The following CHM variants were observed in gnomAD, a reference collection of about 807,000 sequenced individuals.
CHM encodes the protein rab proteins geranylgeranyltransferase component A 1.
In CHM, 10 loss-of-function variants were observed where a neutral mutation model predicts 49.0. The ratio of observed to expected loss-of-function variants is 0.20; its 90% confidence interval spans 0.13 to 0.35. The LOEUF is 0.35. Ranked by LOEUF, CHM falls within the 10% of genes least tolerant of loss-of-function variation. CHM has a pLI of 1.00. For synonymous variants in CHM, 184 were observed against 167.5 expected (o/e 1.10, Z -0.76); for missense variants, 455 against 478.4 (o/e 0.95, Z 0.46).
At chrX:86,036,308 G>T (rs950639311) in intron 1 of CHM, among the ~76,000 whole-genome samples, 3 of 111,732 alleles carry the variant, frequency 2.7e-5, no homozygotes, top group South Asian at 3.8e-4. Flanking sequence ...AAGCTGGTGG[G>T]GGGGGAAGTG....
rs1321226258 is a variant in CHM at position 85,886,359 on chromosome X, T to C, written c.1511-7296A>G. Reference sequence around the variant, plus strand: ...TATGTGAATTTTAAAACATGTTCTATTGTGCTCAGGATATGCTTTATTCAA... The same window carrying C: ...TATGTGAATTTTAAAACATGTTCTACTGTGCTCAGGATATGCTTTATTCAA... On this transcript the variant is annotated intron_variant, in intron 12 of 14. Transcript: ENST00000357749. Among the ~76,000 whole-genome samples, 20 of 111,937 alleles carry C rather than the reference T, an allele frequency of 1.8e-4. 1 individual carries two copies. Among genetic ancestry groups the C allele is most frequent in the Non-Finnish European group, 9.4e-5 (5 of 53,050 alleles).
intron 1 of CHM, among the ~76,000 whole-genome samples, chrX:86,035,690 G>T (rs1326088770): frequency 9.1e-6 from 1 of 110,012 alleles, no homozygotes; most frequent in Admixed American, 9.7e-5. Flanking sequence ...AATATATACA[G>T]ATAGAATGAT....
At chrX:85,918,427 A>G (rs1927581783) in intron 8 of CHM, among the ~76,000 whole-genome samples, 3 of 112,049 alleles carry the variant, frequency 2.7e-5, no homozygotes, top group African/African-American at 3.2e-5. Flanking sequence ...GAAAAGAAAG[A>G]TACTTGCCAG....
At chrX:85,981,883 A>G in intron 2 of CHM, 74 bp from the exon 3 acceptor site, 1 of 770,606 alleles carries the variant, frequency 1.3e-6, no homozygotes, top group Non-Finnish European at 1.9e-6. Flanking sequence ...TCATCAACAA[A>G]CCATCTTTAA....
At chrX:85,952,874 A>G (rs568827278) in intron 8 of CHM, among the ~76,000 whole-genome samples, 5 of 112,794 alleles carry the variant, frequency 4.4e-5, no homozygotes, top group Admixed American at 3.7e-4. Context: ...AGCATTCAAC[A>G]CAAGCTTACT....
chrX:85,934,148 T>C (rs1928616513), intron 8 of CHM, among the ~76,000 whole-genome samples: 1 of 109,203 alleles, frequency 9.2e-6, no homozygotes, highest in African/African-American at 3.3e-5. Context: ...ACCAGTTTAA[T>C]TTTTTGTATT....
At chrX:85,945,246 A>G (rs959632307) in intron 8 of CHM, among the ~76,000 whole-genome samples, 1 of 110,002 alleles carries the variant, frequency 9.1e-6, no homozygotes, top group African/African-American at 3.3e-5. Context: ...TATAGTTTAC[A>G]TATTTGTCCC....
chrX:86,043,656 G>A (rs7880681), intron 1 of CHM, among the ~76,000 whole-genome samples: 194 of 110,541 alleles, frequency 1.8e-3, no homozygotes, highest in African/African-American at 6.1e-3. Flanking sequence ...AAACTCCTGA[G>A]CTCAAGCAAT....
intron 8 of CHM, among the ~76,000 whole-genome samples, chrX:85,934,231 T>C (rs951691394): frequency 1.9e-5 from 2 of 107,138 alleles, no homozygotes; most frequent in South Asian, 4.3e-4. Flanking sequence ...CTGCCCACCT[T>C]GGCCTCCCAA....
At chrX:85,975,745 A>T (rs1470298418) in intron 4 of CHM, among the ~76,000 whole-genome samples, 1 of 112,341 alleles carries the variant, frequency 8.9e-6, no homozygotes, top group Non-Finnish European at 1.9e-5. Flanking sequence ...CTGTAACTTG[A>T]CTGTGACAGT....
chrX:85,962,916 T>C (rs918817134), intron 5 of CHM, among the ~76,000 whole-genome samples: 2 of 111,587 alleles, frequency 1.8e-5, no homozygotes, highest in African/African-American at 6.5e-5. Flanking sequence ...CCGAAGACAA[T>C]AGCTTTCTTC....
intron 4 of CHM, chrX:85,970,443 G>A: frequency 1.3e-6 from 1 of 753,209 alleles, no homozygotes; most frequent in Non-Finnish European, 1.6e-6. Context: ...TGGTGGAACG[G>A]TTGGTTCCCT....
At chrX:85,972,332 G>A (rs1167801632) in intron 4 of CHM, among the ~76,000 whole-genome samples, 3 of 113,606 alleles carry the variant, frequency 2.6e-5, no homozygotes, top group Admixed American at 9.2e-5. Context: ...AGGTGGAGCT[G>A]CCTGCCAGTC....
At chrX:86,046,823 G>A (rs1157239718) in intron 1 of CHM, among the ~76,000 whole-genome samples, 3 of 111,553 alleles carry the variant, frequency 2.7e-5, no homozygotes, top group South Asian at 3.8e-4. Context: ...TGGAACTCAG[G>A]ACCTTATTCT....
intron 1 of CHM, among the ~76,000 whole-genome samples, chrX:86,043,670 C>A (rs892217806): frequency 3.0e-4 from 33 of 111,052 alleles, no homozygotes; most frequent in African/African-American, 1.0e-3. Context: ...AAGCAATCCA[C>A]CTGCCTCGGC....
chrX:85,887,469 T>A (rs1925155800), intron 12 of CHM, among the ~76,000 whole-genome samples: 1 of 111,655 alleles, frequency 9.0e-6, no homozygotes, highest in Admixed American at 9.6e-5. Context: ...GCCCGGTTTC[T>A]GGTATGTCTT....
At chrX:85,970,808 A>T in intron 4 of CHM, 1 of 307,658 alleles carries the variant, frequency 3.3e-6, no homozygotes, top group Non-Finnish European at 4.3e-6. Flanking sequence ...CCAAAATATT[A>T]AGTAGCCCAC....
At chrX:86,014,764 T>C (rs983963133) in intron 2 of CHM, among the ~76,000 whole-genome samples, 4 of 111,676 alleles carry the variant, frequency 3.6e-5, no homozygotes, top group Non-Finnish European at 5.6e-5. Flanking sequence ...GGCGGGCGGA[T>C]CACAAAGACA....
At position 85,957,891 on chromosome X, in the gene CHM, A is replaced by G. The variant is rs1569425225; in HGVS notation, c.904T>C (p.Cys302Arg). 8.3e-7 allele frequency: 1 copy of G among 1,209,630 alleles called. No individual in the cohort carries two copies. The highest frequency in any genetic ancestry group is 1.1e-6 in the Non-Finnish European group (1 of 894,107). ...KRMLMKFLTF[C>R]MEYEKYPDEY... The stretch of plus-strand genomic sequence containing the variant: ...TCAGGATATTTCTCATATTCCATAC[A>G]AAATGTAAGAAATTTCATTAGCATT... Residue 302 changes from cysteine (C) to arginine (R), a missense_variant, in exon 7 of 15, where the codon TGT becomes CGT. Physicochemically the swap from Cys to Arg is radical, Grantham distance 180 (BLOSUM62 -3). Transcript: ENST00000357749.
Sources: gnomAD v4.1 joint callset for allele counts (sites outside exome capture counted in the v4.1 genomes callset) on GRCh38, gnomAD v4.1.1 for gene constraint, MANE v1.5 for transcripts, NCBI Gene and HGNC (gene_info 2026-07-23, HGNC 2026-07-21) for gene names.